Variants in ADARB2 observed in about 807,000 individuals in gnomAD.
The protein encoded by ADARB2 is adenosine deaminase RNA specific B2 (inactive), also known as inactive double-stranded RNA-specific editase B2.
Under a neutral mutation model 62.2 loss-of-function variants are expected in ADARB2, and 25 were observed. That is an observed-to-expected ratio of 0.40 (90% CI 0.29 to 0.56). The LOEUF (loss-of-function observed/expected upper bound fraction) is 0.56. Among genes scored for constraint, ADARB2 ranks in the 20% least tolerant of loss-of-function variants. The pLI is 0.43. For synonymous variants in ADARB2, 572 were observed against 500.8 expected (o/e 1.14, Z -1.90); for missense variants, 1,071 against 1,077.4 (o/e 0.99, Z 0.08).
intron 1 of ADARB2, among the ~76,000 whole-genome samples, chr10:1,686,076 G>A (rs1224781113): frequency 2.0e-5 from 3 of 152,242 alleles, no homozygotes; most frequent in Non-Finnish European, 4.4e-5. Flanking sequence ...ACACTTCCAA[G>A]TGAAATAAAT....
chr10:1,555,884 G>A (rs576423769), intron 1 of ADARB2, among the ~76,000 whole-genome samples: 5 of 151,762 alleles, frequency 3.3e-5, no homozygotes, highest in East Asian at 1.9e-4. Flanking sequence ...GCAGTGAGCC[G>A]AGATCACACC....
intron 4 of ADARB2, among the ~76,000 whole-genome samples, chr10:1,270,337 AGAGT>A (rs1831248972): frequency 6.6e-6 from 1 of 152,178 alleles, no homozygotes; most frequent in Admixed American, 6.5e-5. Flanking sequence ...CAAGTGTGTG[AGAGT>A]GTAGTGAGTG....
chr10:1,563,856 T>C (rs1212565831), intron 1 of ADARB2, among the ~76,000 whole-genome samples: 15 of 144,414 alleles, frequency 1.0e-4, no homozygotes, highest in Non-Finnish European at 1.7e-4. Context: ...GTTCAATTCC[T>C]ACCTATGAGT....
At chr10:1,416,041 T>C (rs1832798534) in intron 1 of ADARB2, among the ~76,000 whole-genome samples, 1 of 152,210 alleles carries the variant, frequency 6.6e-6, no homozygotes, top group South Asian at 2.1e-4. Context: ...AGACCCGCCA[T>C]GGGGCTTAAC....
intron 1 of ADARB2, among the ~76,000 whole-genome samples, chr10:1,674,011 A>G (rs191251854): frequency 1.9e-4 from 29 of 152,384 alleles, no homozygotes; most frequent in African/African-American, 7.0e-4. Context: ...TAACAACCAA[A>G]TAATGTGTTA....
chr10:1,657,011 G>GTGTT (rs1834180295), intron 1 of ADARB2, among the ~76,000 whole-genome samples: 1 of 151,606 alleles, frequency 6.6e-6, no homozygotes, highest in African/African-American at 2.4e-5. Flanking sequence ...TTGTGTGTGT[G>GTGTT]TGTGTGTGTG....
chr10:1,510,863 G>GTC (rs1046019077), intron 1 of ADARB2, among the ~76,000 whole-genome samples: 1 of 151,610 alleles, frequency 6.6e-6, no homozygotes, highest in Non-Finnish European at 1.5e-5. Context: ...AGCTCTCTCT[G>GTC]TCTCTCTCTC....
chr10:1,641,487 A>G (rs767130077), intron 1 of ADARB2, among the ~76,000 whole-genome samples: 4 of 152,254 alleles, frequency 2.6e-5, no homozygotes, highest in African/African-American at 7.2e-5. Context: ...ATTTATTTCT[A>G]GAACACAGAA....
In ADARB2 at chr10:1,438,328, G is replaced by A. The variant is rs1438762012; in HGVS notation, c.101-59168C>T. ...CTCCTGAGTCTCCTTAGCAGATGGA[G>A]GCAGGCCCTTCATGATGGGGCTCCT... On this transcript the variant is annotated intron_variant, in intron 1 of 9. Transcript: ENST00000381312. 2.0e-5 allele frequency among the ~76,000 whole-genome samples: 3 copies of A among 147,568 alleles called. No homozygotes were observed. In the South Asian group the frequency reaches 6.4e-4, roughly 32 times the overall value.
chr10:1,302,497 C>A lies in ADARB2; in HGVS notation c.1078-31428G>T, dbSNP rs543191488. 4.2e-3 allele frequency among the ~76,000 whole-genome samples: 633 copies of A among 152,266 alleles called. 6 individuals are homozygous for A. Among genetic ancestry groups the A allele is most frequent in the Non-Finnish European group, 6.6e-3 (448 of 68,022 alleles). Reference sequence around the variant, plus strand: ...GGCTTGCTTAGGTAAACAAAGCAGCCGGGAAGCTCGAACTGGGTGGAGCCC... The same window carrying A: ...GGCTTGCTTAGGTAAACAAAGCAGCAGGGAAGCTCGAACTGGGTGGAGCCC... On this transcript the variant is annotated intron_variant, in intron 3 of 9. Transcript: ENST00000381312.
chr10:1,730,532 T>C (rs1186116716), intron 1 of ADARB2, among the ~76,000 whole-genome samples: 1 of 152,190 alleles, frequency 6.6e-6, no homozygotes, highest in East Asian at 1.9e-4. Context: ...AATGCCACAA[T>C]TTTAAGTGTA....
At chr10:1,416,933 T>C (rs1400622591) in intron 1 of ADARB2, among the ~76,000 whole-genome samples, 1 of 152,204 alleles carries the variant, frequency 6.6e-6, no homozygotes, top group African/African-American at 2.4e-5. Flanking sequence ...CGGGTCCCCC[T>C]GAAACATTCC....
intron 3 of ADARB2, among the ~76,000 whole-genome samples, chr10:1,358,813 G>T (rs1195145519): frequency 6.6e-6 from 1 of 151,954 alleles, no homozygotes; most frequent in Non-Finnish European, 1.5e-5. Context: ...AAATAAAGGG[G>T]GTACTTGAGG....
At position 1,406,678 on chromosome 10, in the gene ADARB2, G is replaced by C. The variant is rs78810569; in HGVS notation, c.101-27518C>G. Among the ~76,000 whole-genome samples, 877 of 152,330 alleles carry C rather than the reference G, an allele frequency of 5.8e-3. 28 individuals are homozygous for C. The highest frequency in any genetic ancestry group is 0.041 in the Admixed American group (627 of 15,308). On this transcript the variant is annotated intron_variant, in intron 1 of 9. Coordinates refer to ENST00000381312, the MANE Select transcript of ADARB2 (RefSeq NM_018702.4). Reference sequence around the variant, plus strand: ...TCTGAAATAAAGAAGGCTTTGGCGGGGGAGCCCTGGCACCCCTTGTGACTG... The same window carrying C: ...TCTGAAATAAAGAAGGCTTTGGCGGCGGAGCCCTGGCACCCCTTGTGACTG...
chr10:1,521,946 G>A (rs868815593), intron 1 of ADARB2, among the ~76,000 whole-genome samples: 1 of 152,292 alleles, frequency 6.6e-6, no homozygotes, highest in Middle Eastern at 3.4e-3. Flanking sequence ...GATCTCCTGA[G>A]GGCTGTGTCG....
At chr10:1,491,029 G>A (rs553242128) in intron 1 of ADARB2, among the ~76,000 whole-genome samples, 1 of 152,270 alleles carries the variant, frequency 6.6e-6, no homozygotes, top group South Asian at 2.1e-4. Flanking sequence ...GCCTTCTGCA[G>A]TCCTCACAAT....
chr10:1,202,893 T>G (rs1837006078), intron 7 of ADARB2, among the ~76,000 whole-genome samples: 1 of 152,190 alleles, frequency 6.6e-6, no homozygotes, highest in South Asian at 2.1e-4. Flanking sequence ...CGTATGTGAG[T>G]GGCTGTGATG....
At chr10:1,259,999 C>T (rs1276360688) in intron 4 of ADARB2, among the ~76,000 whole-genome samples, 13 of 152,044 alleles carry the variant, frequency 8.6e-5, no homozygotes, top group Non-Finnish European at 1.5e-4. Context: ...GTTCAACATA[C>T]GAAAATCAAT....
At chr10:1,694,775 C>T (rs994515913) in intron 1 of ADARB2, among the ~76,000 whole-genome samples, 1 of 152,146 alleles carries the variant, frequency 6.6e-6, no homozygotes, top group Non-Finnish European at 1.5e-5. Flanking sequence ...AGGAGCTGGA[C>T]AGGCTCAGAG....
Sources: allele counts gnomAD v4.1 joint callset (sites outside exome capture counted in the v4.1 genomes callset), GRCh38; gene constraint gnomAD v4.1.1; transcripts MANE v1.5; gene names NCBI Gene and HGNC (gene_info 2026-07-23, HGNC 2026-07-21).